Variants in ZNF658 observed in about 807,000 individuals in gnomAD.
The protein encoded by ZNF658 is zinc finger protein 658.
A neutral mutation model predicts 78.0 loss-of-function variants in ZNF658; 46 were observed. The observed-to-expected ratio is 0.59, with a 90% CI of 0.47 to 0.75. The LOEUF (loss-of-function observed/expected upper bound fraction) is 0.75. Among genes scored for constraint, ZNF658 ranks in the 30% least tolerant of loss-of-function variants. The probability of loss-of-function intolerance (pLI) is 0.00; values close to 1 mark genes in which losing one functional copy is unlikely to be tolerated. For synonymous variants in ZNF658, 279 were observed against 408.4 expected (o/e 0.68, Z 3.82); for missense variants, 785 against 1,189.3 (o/e 0.66, Z 5.00).
At chr9:66,905,567 T>C (rs1192337202) in intron 2 of ZNF658, among the ~76,000 whole-genome samples, 2 of 150,558 alleles carry the variant, frequency 1.3e-5, no homozygotes, top group African/African-American at 2.5e-5. Flanking sequence ...AACTGTTCAT[T>C]TCTTGTTATT....
chr9:66,908,657 C>T lies in ZNF658; in HGVS notation c.161C>T (p.Pro54Leu). The change falls in exon 4 of 5, where the codon CCT (proline) becomes CTT (leucine). Residue 54 changes from proline to leucine, a missense_variant. Physicochemically the swap from Pro to Leu is moderately conservative, Grantham distance 98. Transcript: ENST00000621410. ...LISVGYCITK[P>L]KVISKLEKGE... Reference sequence around the variant, plus strand: ...TTTACAGGATATTGCATTACTAAACCTAAGGTGATCTCCAAGTTGGAGAAA... The same window carrying T: ...TTTACAGGATATTGCATTACTAAACTTAAGGTGATCTCCAAGTTGGAGAAA... The T allele has an allele frequency of 1.3e-6, 2 of 1,518,472 alleles. No individual in the cohort carries two copies. The highest frequency in any genetic ancestry group is 1.8e-6 in the Non-Finnish European group (2 of 1,105,226). The allele number at this position is 1,518,472 out of a possible 1,614,324, so 94.1% of individuals were successfully genotyped here.
chr9:66,904,303 G>A lies in ZNF658; in HGVS notation c.15+727G>A, dbSNP rs141819466. Among the ~76,000 whole-genome samples the A allele has an allele frequency of 1.6e-3, 247 of 152,054 alleles. 1 individual carries two copies. The highest frequency in any genetic ancestry group is 5.0e-3 in the African/African-American group (209 of 41,458). On this transcript the variant is annotated intron_variant, in intron 2 of 4. Coordinates refer to ENST00000621410, the MANE Select transcript of ZNF658 (RefSeq NM_033160.7). ...GTGGATGTGGTCTTTTCCTTAACTT[G>A]CTTGGCTTTTCCGCAGCACTTGCCT...
rs368365755 is a variant in ZNF658 at position 66,909,311 on chromosome 9, G to A, written c.238+577G>A. Among the ~76,000 whole-genome samples the A allele has an allele frequency of 9.3e-5, 14 of 151,188 alleles. No homozygotes were observed. In the South Asian group the frequency reaches 1.5e-3, roughly 16 times the overall value. ...AGTCTACTTCTGTGTCTATAAATAT[G>A]CCTATTTTAGACATTTTGTATAAAT... On this transcript the variant is annotated intron_variant, in intron 4 of 4. Transcript: ENST00000621410.
In ZNF658 at chr9:66,931,699, CAT is replaced by C. The variant is rs1274962814; in HGVS notation, c.*55-324_*55-323del. 2.2e-5 allele frequency among the ~76,000 whole-genome samples: 3 copies of C among 138,972 alleles called. No homozygotes were observed. In the East Asian group the frequency reaches 6.5e-4, roughly 30 times the overall value. The allele number at this position is 138,972 out of a possible 152,430, so 91.2% of individuals were successfully genotyped here. On this transcript the variant is annotated intron_variant and NMD_transcript_variant, in intron 6 of 6. Coordinates refer to the ZNF658 transcript ENST00000622180. ...GTGTCAAAAGAAATCTCTTGATAAA[CAT>C]AAAACAATAAAAAAGGAACCTTTGT...
Position 66,929,932 on chromosome 9 carries a change from C to T in ZNF658, c.*55-2093C>T, listed in dbSNP as rs190956764. On this transcript the variant is annotated intron_variant and NMD_transcript_variant, in intron 6 of 6. Transcript: ENST00000622180. ...CTGAGTAGCTGGGACTACAAGTGCC[C>T]GCCACCACGCCCAGCTAATTTTTGT... 9.8e-3 allele frequency among the ~76,000 whole-genome samples: 1,341 copies of T among 137,422 alleles called. 20 individuals are homozygous for T. The highest frequency in any genetic ancestry group is 0.035 in the African/African-American group (1,265 of 36,508). The allele number at this position is 137,422 out of a possible 152,430, so 90.2% of individuals were successfully genotyped here.
At chr9:66,901,100 C>T (rs925564631) in intron 1 of ZNF658, 4 of 152,332 alleles carry the variant, frequency 2.6e-5, no homozygotes, top group African/African-American at 7.2e-5. Context: ...ACTCGTGTTC[C>T]TATTCTGAAA....
chr9:66,912,132 C>CAAA (rs1204033388), intron 4 of ZNF658, among the ~76,000 whole-genome samples: 7 of 49,340 alleles, frequency 1.4e-4, no homozygotes, highest in African/African-American at 7.2e-4. Context: ...GACCCCATCT[C>CAAA]AAAAAAAAAA....
intron 2 of ZNF658, among the ~76,000 whole-genome samples, chr9:66,907,789 T>C (rs993339150): frequency 2.6e-5 from 4 of 152,210 alleles, no homozygotes; most frequent in African/African-American, 9.7e-5. Context: ...TGTGCCAGTC[T>C]CTTTGGTTAC....
intron 4 of ZNF658, among the ~76,000 whole-genome samples, chr9:66,914,189 C>T (rs1822280454): frequency 6.6e-6 from 1 of 151,016 alleles, no homozygotes; most frequent in Non-Finnish European, 1.5e-5. Flanking sequence ...TTTACTGTTT[C>T]TTTGATTTCT....
In ZNF658 at chr9:66,918,280, A is replaced by C. The variant is rs756517153; in HGVS notation, c.714A>C (p.Thr238=). 7.4e-6 allele frequency: 12 copies of C among 1,613,668 alleles called. No individual in the cohort carries two copies. The highest frequency in any genetic ancestry group is 8.5e-6 in the Non-Finnish European group (10 of 1,179,754). Reference sequence around the variant, plus strand: ...GTATTACACCTCAGAGTTTTCTAACAGGAGAAAAGTCCTGTAAGGATGATG... The same window carrying C: ...GTATTACACCTCAGAGTTTTCTAACCGGAGAAAAGTCCTGTAAGGATGATG... ...TICITPQSFL[T]GEKSCKDDEF... is the part of the protein sequence containing the mutation. Residue 238 remains threonine, a synonymous_variant, in exon 5 of 5, where the codon ACA becomes ACC. Coordinates refer to ENST00000621410, the MANE Select transcript of ZNF658 (RefSeq NM_033160.7).
intron 4 of ZNF658, among the ~76,000 whole-genome samples, chr9:66,910,673 G>T (rs1322188582): frequency 6.6e-6 from 1 of 152,016 alleles, no homozygotes; most frequent in African/African-American, 2.4e-5. Context: ...CCAGGCACCT[G>T]TAGTCTCAGC....
intron 4 of ZNF658, among the ~76,000 whole-genome samples, chr9:66,912,139 A>AG (rs1822226440): frequency 8.3e-6 from 1 of 120,166 alleles, no homozygotes; most frequent in East Asian, 2.1e-4. Flanking sequence ...TCTCAAAAAA[A>AG]AAAAAAAAAA....
intron 6 of ZNF658, among the ~76,000 whole-genome samples, chr9:66,930,503 A>T (rs1375706287): frequency 6.7e-6 from 1 of 150,144 alleles, no homozygotes; most frequent in African/African-American, 2.4e-5. Flanking sequence ...AAGAAGCTCT[A>T]CAGTTAAAAT....
intron 4 of ZNF658, among the ~76,000 whole-genome samples, chr9:66,910,856 G>A (rs979872995): frequency 1.5e-4 from 23 of 148,774 alleles, no homozygotes; most frequent in African/African-American, 5.5e-4. Flanking sequence ...ATAAAATAAT[G>A]TAGATTTCAT....
intron 4 of ZNF658, among the ~76,000 whole-genome samples, chr9:66,915,265 A>C (rs940191487): frequency 6.6e-6 from 1 of 152,142 alleles, no homozygotes; most frequent in African/African-American, 2.4e-5. Context: ...TTAGAAAAAA[A>C]GTCTTTTAGA....
In ZNF658 at chr9:66,918,472, G is replaced by A. The variant is rs769085536; in HGVS notation, c.906G>A (p.Arg302=). The change falls in exon 5 of 5, where the codon AGG becomes AGA. Residue 302 remains arginine (R), a synonymous_variant. Coordinates refer to ENST00000621410, the MANE Select transcript of ZNF658 (RefSeq NM_033160.7). ...MAMTHYECNE[R]GINFSRKSPL... ...TGACACACTATGAGTGTAATGAAAG[G>A]GGGATTAATTTCAGTAGGAAGTCAC... 4 of 1,608,320 alleles carry A rather than the reference G, an allele frequency of 2.5e-6. No individual in the cohort carries two copies. The highest frequency in any genetic ancestry group is 2.2e-5 in the East Asian group (1 of 44,790).
intron 4 of ZNF658, among the ~76,000 whole-genome samples, chr9:66,913,355 G>A (rs1052694291): frequency 1.3e-5 from 2 of 151,924 alleles, no homozygotes; most frequent in Non-Finnish European, 2.9e-5. Context: ...AACTCGGGAG[G>A]CAGAGGTTGC....
Position 66,918,305 on chromosome 9 carries a change from G to A in ZNF658, c.739G>A (p.Glu247Lys). Residue 247 changes from glutamate (E) to lysine (K), a missense_variant, in exon 5 of 5, where the codon GAA becomes AAA. Physicochemically the swap from Glu to Lys is moderately conservative, Grantham distance 56 (BLOSUM62 1). Coordinates refer to ENST00000621410, the MANE Select transcript of ZNF658 (RefSeq NM_033160.7). ...LTGEKSCKDD[E>K]FRKNFDKITL... is the part of the protein sequence containing the mutation. ...AGGAGAAAAGTCCTGTAAGGATGAT[G>A]AATTTAGAAAAAACTTTGATAAAAT... 1 of 1,613,866 alleles carries A rather than the reference G, an allele frequency of 6.2e-7. No homozygotes were observed. Among genetic ancestry groups the A allele is most frequent in the Non-Finnish European group, 8.5e-7 (1 of 1,179,834 alleles).
rs764201556 is a variant in ZNF658, at chr9:66,917,994, G to C, written c.428G>C (p.Arg143Thr). 2.4e-5 allele frequency: 38 copies of C among 1,592,660 alleles called. 1 individual carries two copies. The Middle Eastern group carries it at 1.2e-3, about 48-fold the overall frequency. The change falls in exon 5 of 5, where the codon AGA becomes ACA. Residue 143 changes from arginine to threonine, a missense_variant. By Grantham distance (71) the Arg-to-Thr change is moderately conservative. This residue lies in a region of ZNF658 where 54 missense variants were observed against 48.9 expected (regional missense o/e 1.10). Coordinates refer to ENST00000621410, the MANE Select transcript of ZNF658 (RefSeq NM_033160.7). ...ATATCCTGTAAATGTGACTCACACA[G>C]AATGAATTTGCCAGTTGCTTCTCAA... Reference protein sequence around the residue: ...EKISCKCDSHRMNLPVASQLI... With the variant: ...EKISCKCDSHTMNLPVASQLI...
Sources: allele counts gnomAD v4.1 joint callset (sites outside exome capture counted in the v4.1 genomes callset), GRCh38; gene constraint gnomAD v4.1.1; regional missense constraint gnomAD v4.1.1; transcripts MANE v1.5; gene names NCBI Gene and HGNC (gene_info 2026-07-23, HGNC 2026-07-21).